The following DMD variants were observed in gnomAD, a reference collection of about 807,000 sequenced individuals.
The protein encoded by DMD is dystrophin.
DMD carries 63 observed loss-of-function variants against 330.1 expected under a neutral mutation model. That is an observed-to-expected ratio of 0.19 (90% CI 0.16 to 0.24). The LOEUF is 0.24. Among genes scored for constraint, DMD ranks in the 10% least tolerant of loss-of-function variants. The pLI, the probability that DMD is intolerant of heterozygous loss-of-function variation, is 1.00. For synonymous variants in DMD, 1,223 were observed against 959.8 expected, an observed-to-expected ratio of 1.27 and a Z score of -5.07; for missense variants, 3,344 against 2,684.1, an observed-to-expected ratio of 1.25 and a Z score of -5.43.
chrX:33,197,698 C>A (rs1229883993), intron 1 of DMD, among the ~76,000 whole-genome samples: 3 of 111,472 alleles, frequency 2.7e-5, no homozygotes, highest in Non-Finnish European at 3.8e-5. Context: ...CAGTATTTAA[C>A]CTTTGACTTT....
chrX:31,786,302 G>A (rs776607614), intron 50 of DMD, among the ~76,000 whole-genome samples: 2 of 111,303 alleles, frequency 1.8e-5, no homozygotes, highest in East Asian at 5.7e-4. Context: ...GGGGTTGTTT[G>A]TTTTTTTCTT....
At chrX:32,785,644 G>A (rs779352974) in intron 7 of DMD, among the ~76,000 whole-genome samples, 7 of 111,594 alleles carry the variant, frequency 6.3e-5, no homozygotes, top group East Asian at 2.8e-4. Context: ...AGCTTTAGCA[G>A]TTTTACTTAG....
chrX:32,896,274 G>C (rs1261476393), intron 2 of DMD, among the ~76,000 whole-genome samples: 1 of 111,529 alleles, frequency 9.0e-6, no homozygotes, highest in Non-Finnish European at 1.9e-5. Flanking sequence ...GGTATAATAG[G>C]AGGCAGGTTT....
At chrX:31,322,985 T>G (rs1434839392) in intron 62 of DMD, among the ~76,000 whole-genome samples, 1 of 112,038 alleles carries the variant, frequency 8.9e-6, no homozygotes, top group Non-Finnish European at 1.9e-5. Context: ...CCCAATGTAT[T>G]GTCATTTATA....
intron 62 of DMD, among the ~76,000 whole-genome samples, chrX:31,269,331 T>C (rs2051430036): frequency 9.0e-6 from 1 of 111,503 alleles, no homozygotes; most frequent in Admixed American, 9.6e-5. Context: ...TGTTTCTTCT[T>C]CTCCTCCTTC....
At chrX:31,690,692 A>G (rs1310521993) in intron 52 of DMD, among the ~76,000 whole-genome samples, 2 of 112,022 alleles carry the variant, frequency 1.8e-5, no homozygotes, top group Non-Finnish European at 3.8e-5. Flanking sequence ...TGCACTATTC[A>G]CAATAGCAAA....
chrX:32,481,211 C>T (rs1042107948), intron 21 of DMD, among the ~76,000 whole-genome samples: 1 of 110,604 alleles, frequency 9.0e-6, no homozygotes, highest in African/African-American at 3.3e-5. Context: ...TCAATTCTGG[C>T]AAGAATATCT....
chrX:31,745,988 T>G (rs1428198412), intron 51 of DMD, among the ~76,000 whole-genome samples: 1 of 112,040 alleles, frequency 8.9e-6, no homozygotes. Context: ...GATATTTTTC[T>G]TTGGGAAATA....
chrX:32,296,865 A>G (rs373569509), intron 42 of DMD, among the ~76,000 whole-genome samples: 1 of 112,383 alleles, frequency 8.9e-6, no homozygotes. Context: ...GGTTTGAAAT[A>G]TATTGAACTT....
At chrX:31,368,103 G>A (rs5972380) in intron 60 of DMD, among the ~76,000 whole-genome samples, 40,855 of 110,135 alleles carry the variant, frequency 0.37, 6,543 homozygotes, top group Non-Finnish European at 0.5. Context: ...AGGGATCCCT[G>A]AGCCTTTCAG....
intron 7 of DMD, among the ~76,000 whole-genome samples, chrX:32,783,385 CCATA>C (rs1470855778): frequency 1.1e-4 from 11 of 98,863 alleles, no homozygotes; most frequent in African/African-American, 3.3e-4. Context: ...CACATATATA[CCATA>C]TATATACACA....
chrX:32,767,738 T>C (rs1289879820), intron 7 of DMD, among the ~76,000 whole-genome samples: 2 of 111,902 alleles, frequency 1.8e-5, no homozygotes, highest in Non-Finnish European at 3.8e-5. Flanking sequence ...TAAAACATTA[T>C]GCAAGTATTT....
intron 2 of DMD, among the ~76,000 whole-genome samples, chrX:32,968,284 C>G (rs34898471): frequency 9.2e-6 from 1 of 109,048 alleles, no homozygotes; most frequent in African/African-American, 3.4e-5. Context: ...TTTAACACCA[C>G]TGAAAGTTTT....
intron 63 of DMD, among the ~76,000 whole-genome samples, chrX:31,246,694 G>C (rs751189423): frequency 8.9e-6 from 1 of 111,988 alleles, no homozygotes; most frequent in African/African-American, 3.2e-5. Flanking sequence ...TTGGGAGGCT[G>C]AGGCGGGCAG....
intron 32 of DMD, among the ~76,000 whole-genome samples, chrX:32,387,351 C>CGT (rs1293411718): frequency 9.1e-6 from 1 of 110,434 alleles, no homozygotes; most frequent in Non-Finnish European, 1.9e-5. Context: ...AATATATGTA[C>CGT]GTGTGTGTAT....
At chrX:33,234,574 T>C (rs1456067586) in intron 1 of DMD, among the ~76,000 whole-genome samples, 1 of 111,768 alleles carries the variant, frequency 8.9e-6, no homozygotes, top group Non-Finnish European at 1.9e-5. Flanking sequence ...GATATTATTA[T>C]TACTACTACT....
At chrX:32,494,975 C>T (rs886219053) in intron 19 of DMD, among the ~76,000 whole-genome samples, 1 of 110,742 alleles carries the variant, frequency 9.0e-6, no homozygotes, top group Non-Finnish European at 1.9e-5. Flanking sequence ...AGCCTGTCAC[C>T]AACTAAAATA....
chrX:32,818,135 C>T (rs140118537), intron 5 of DMD, among the ~76,000 whole-genome samples: 14 of 111,801 alleles, frequency 1.3e-4, no homozygotes, highest in Non-Finnish European at 2.1e-4. Flanking sequence ...TGCTAAATTA[C>T]GGTTGGAATC....
chrX:32,934,887 C>T (rs2089873273), intron 2 of DMD, among the ~76,000 whole-genome samples: 1 of 112,606 alleles, frequency 8.9e-6, no homozygotes, highest in South Asian at 3.6e-4. Context: ...TTCGATTTAT[C>T]ACACATGCAT....
Sources: allele counts gnomAD v4.1 joint callset (sites outside exome capture counted in the v4.1 genomes callset), GRCh38; gene constraint gnomAD v4.1.1; transcripts MANE v1.5; gene names NCBI Gene and HGNC (gene_info 2026-07-23, HGNC 2026-07-21).